MAGI2: variants seen among roughly 807,000 people sequenced by gnomAD.
MAGI2 encodes membrane associated guanylate kinase, WW and PDZ domain containing 2.
In MAGI2, 35 loss-of-function variants were observed where a neutral mutation model predicts 133.3. That is an observed-to-expected ratio of 0.26 (90% confidence interval 0.20 to 0.35). The LOEUF is 0.35. MAGI2 is among the 10% of genes least tolerant of loss of function. The probability of loss-of-function intolerance (pLI) is 1.00; values close to 1 mark genes in which losing one functional copy is unlikely to be tolerated. For synonymous variants in MAGI2, 729 were observed against 710.6 expected, an observed-to-expected ratio of 1.03 and a Z score of -0.41; for missense variants, 1,636 against 1,863.4, an observed-to-expected ratio of 0.88 and a Z score of 2.25.
intron 1 of MAGI2, among the ~76,000 whole-genome samples, chr7:79,127,044 C>T (rs779816613): frequency 2.0e-5 from 3 of 150,320 alleles, no homozygotes; most frequent in Non-Finnish European, 4.4e-5. Context: ...AGTGAGAACA[C>T]ATGGTGTTTG....
At chr7:79,298,225 C>T (rs1228105709) in intron 1 of MAGI2, among the ~76,000 whole-genome samples, 3 of 152,006 alleles carry the variant, frequency 2.0e-5, no homozygotes, top group Admixed American at 1.3e-4. Flanking sequence ...TTAATGAGGG[C>T]AATTTATTTT....
At chr7:79,331,701 G>C (rs1231507082) in intron 1 of MAGI2, among the ~76,000 whole-genome samples, 3 of 152,094 alleles carry the variant, frequency 2.0e-5, no homozygotes, top group African/African-American at 7.2e-5. Flanking sequence ...ACTTAGTCTA[G>C]TGCCATTTCT....
intron 2 of MAGI2, among the ~76,000 whole-genome samples, chr7:78,684,764 T>A (rs552865067): frequency 7.9e-5 from 12 of 152,208 alleles, no homozygotes; most frequent in African/African-American, 2.6e-4. Context: ...CCTAAAACTT[T>A]AAAGATGTAG....
chr7:78,199,158 C>A (rs1563250331), intron 11 of MAGI2, among the ~76,000 whole-genome samples: 1 of 152,156 alleles, frequency 6.6e-6, no homozygotes, highest in Non-Finnish European at 1.5e-5. Context: ...TCTTATTGGG[C>A]CTCTCTTGTC....
rs182142864 is a variant in MAGI2 at position 79,114,948 on chromosome 7, C to T, written c.302-107742G>A. 2.4e-3 allele frequency among the ~76,000 whole-genome samples: 371 copies of T among 152,234 alleles called. 5 individuals are homozygous for T. The highest frequency in any genetic ancestry group is 1.9e-3 in the Non-Finnish European group (127 of 68,028). The stretch of plus-strand genomic sequence containing the variant: ...GTTGATATATGGGTCTTTTCTTCCC[C>T]GAAGGCATCTTAATTGCTTCCCGTT... On this transcript the variant is annotated intron_variant, in intron 1 of 21. Coordinates refer to ENST00000354212, the MANE Select transcript of MAGI2 (RefSeq NM_012301.4).
chr7:79,234,825 C>T (rs1403738798), intron 1 of MAGI2, among the ~76,000 whole-genome samples: 11 of 151,330 alleles, frequency 7.3e-5, no homozygotes, highest in Non-Finnish European at 1.6e-4. Context: ...AGCTTTGTTC[C>T]GTTGCTGGTG....
At chr7:78,522,951 T>G (rs1397058259) in intron 3 of MAGI2, among the ~76,000 whole-genome samples, 1 of 152,100 alleles carries the variant, frequency 6.6e-6, no homozygotes. Context: ...TCCAAGATGC[T>G]CAACAGTCCA....
chr7:78,947,609 G>T (rs528925491), intron 2 of MAGI2, among the ~76,000 whole-genome samples: 1 of 152,004 alleles, frequency 6.6e-6, no homozygotes, highest in African/African-American at 2.4e-5. Flanking sequence ...TATTAGTTAC[G>T]ATATGAATTC....
intron 3 of MAGI2, among the ~76,000 whole-genome samples, chr7:78,523,238 G>A (rs1309571927): frequency 2.0e-5 from 3 of 152,170 alleles, no homozygotes; most frequent in Admixed American, 2.0e-4. Context: ...AGCAGTAATT[G>A]TTCTAATCAC....
chr7:79,208,383 T>A (rs1196115856), intron 1 of MAGI2, among the ~76,000 whole-genome samples: 1 of 151,390 alleles, frequency 6.6e-6, no homozygotes, highest in Non-Finnish European at 1.5e-5. Context: ...ACCAAGAACA[T>A]GAATGGACGT....
Position 78,135,022 on chromosome 7 carries a change from C to A in MAGI2, c.3030G>T (p.Glu1010Asp). The change falls in exon 17 of 22, where the codon GAG becomes GAT. Residue 1010 changes from glutamate to aspartate, a missense_variant and splice_region_variant. Physicochemically the swap from Glu to Asp is conservative, Grantham distance 45. This residue lies in a region of MAGI2 where 920 missense variants were observed against 1,093.5 expected (regional missense o/e 0.84). Transcript: ENST00000354212. ...LSVTLRIIPQEELNSPTSAPS... is the reference protein window; with the variant it reads ...LSVTLRIIPQDELNSPTSAPS... ...TGCAAGGCTGCCTCAGGCACTCACC[C>A]TCCTGAGGAATGATGCGAAGGGTGA... 6.2e-7 allele frequency: 1 copy of A among 1,613,662 alleles called. No homozygotes were observed. Among genetic ancestry groups the A allele is most frequent in the Non-Finnish European group, 8.5e-7 (1 of 1,179,794 alleles).
At chr7:78,234,876 A>T (rs1790364086) in intron 10 of MAGI2, among the ~76,000 whole-genome samples, 1 of 152,176 alleles carries the variant, frequency 6.6e-6, no homozygotes, top group Non-Finnish European at 1.5e-5. Context: ...TAAGCAACGA[A>T]CACTCCAACA....
intron 20 of MAGI2, among the ~76,000 whole-genome samples, chr7:78,122,669 G>A (rs1820582613): frequency 6.6e-6 from 1 of 152,138 alleles, no homozygotes; most frequent in African/African-American, 2.4e-5. Context: ...ATGGAAACAG[G>A]AAAATATTTT....
At chr7:79,394,132 A>G (rs1208651947) in intron 1 of MAGI2, among the ~76,000 whole-genome samples, 5 of 152,090 alleles carry the variant, frequency 3.3e-5, no homozygotes, top group African/African-American at 1.2e-4. Flanking sequence ...GTAGCCCGGC[A>G]CCTCACCTGG....
chr7:79,130,490 G>A (rs905195599), intron 1 of MAGI2, among the ~76,000 whole-genome samples: 1 of 152,066 alleles, frequency 6.6e-6, no homozygotes, highest in South Asian at 2.1e-4. Flanking sequence ...ACTGCATAAG[G>A]ATGCCGCGGC....
chr7:79,052,790 A>G (rs1186505074), intron 1 of MAGI2, among the ~76,000 whole-genome samples: 1 of 152,202 alleles, frequency 6.6e-6, no homozygotes, highest in Admixed American at 6.5e-5. Flanking sequence ...TTGAAGGCAC[A>G]TAATGAAAAT....
At chr7:78,623,696 G>A (rs1807995732) in intron 3 of MAGI2, among the ~76,000 whole-genome samples, 1 of 152,050 alleles carries the variant, frequency 6.6e-6, no homozygotes, top group Non-Finnish European at 1.5e-5. Flanking sequence ...AAATGCTAAT[G>A]GAAGAGATTT....
chr7:78,745,791 C>T (rs1585269892), intron 2 of MAGI2, among the ~76,000 whole-genome samples: 1 of 152,282 alleles, frequency 6.6e-6, no homozygotes, highest in African/African-American at 2.4e-5. Context: ...TACTGGGATA[C>T]TCAGAAAATC....
chr7:78,019,771 G>A lies in MAGI2; in HGVS notation c.3912C>T (p.Gly1304=), dbSNP rs1808140776. ...VRKPKELSAC[G]QKKQRLGEQR... ...GCTCCCCGAGGCGCTGCTTCTTCTG[G>A]CCGCAGGCTGAAAGCTCCTTTGGTT... The change falls in exon 22 of 22, where the codon GGC becomes GGT. Residue 1304 remains glycine (G), a synonymous_variant. Coordinates refer to ENST00000354212, the MANE Select transcript of MAGI2 (RefSeq NM_012301.4). The A allele has an allele frequency of 6.2e-7, 1 of 1,612,748 alleles. No individual in the cohort carries two copies. The highest frequency in any genetic ancestry group is 8.5e-7 in the Non-Finnish European group (1 of 1,179,788).
Sources: gnomAD v4.1 joint callset for allele counts (sites outside exome capture counted in the v4.1 genomes callset) on GRCh38, gnomAD v4.1.1 for gene constraint, gnomAD v4.1.1 regional missense constraint, MANE v1.5 for transcripts, NCBI Gene and HGNC (gene_info 2026-07-23, HGNC 2026-07-21) for gene names.